RANBP17: variants seen among roughly 807,000 people sequenced by gnomAD.
RANBP17 encodes the protein ran-binding protein 17.
A neutral mutation model predicts 141.2 loss-of-function variants in RANBP17; 158 were observed. The observed-to-expected ratio is 1.12, with a 90% CI of 0.98 to 1.28. RANBP17 has a LOEUF of 1.28. Ranked by LOEUF, RANBP17 falls within the 50% of genes most tolerant of loss-of-function variation. RANBP17 has a pLI of 0.00. For missense variants in RANBP17, 1,438 were observed against 1,290.7 expected (o/e 1.11, Z -1.75); for synonymous variants, 430 against 450.0 (o/e 0.96, Z 0.56).
rs549772441 is a variant in RANBP17, at chr5:171,267,146, T to C, written c.2943+1299T>C. Reference sequence around the variant, plus strand: ...CAAGGTCTCAAGCGATCCTCACACTTCAGCCTCTTCCTGAGTAGCTGGGAC... The same window carrying C: ...CAAGGTCTCAAGCGATCCTCACACTCCAGCCTCTTCCTGAGTAGCTGGGAC... On this transcript the variant is annotated intron_variant, in intron 25 of 27. Coordinates refer to ENST00000523189, the MANE Select transcript of RANBP17 (RefSeq NM_022897.5). 1.3e-3 allele frequency among the ~76,000 whole-genome samples: 194 copies of C among 149,510 alleles called. 1 individual carries two copies. The highest frequency in any genetic ancestry group is 4.6e-3 in the African/African-American group (187 of 40,756).
chr5:170,946,473 A>C lies in RANBP17; in HGVS notation c.1469-7124A>C, dbSNP rs147620596. On this transcript the variant is annotated intron_variant, in intron 12 of 27. Coordinates refer to ENST00000523189, the MANE Select transcript of RANBP17 (RefSeq NM_022897.5). Reference sequence around the variant, plus strand: ...CACAATTGGAGCATAGTCTGTTAATAGCGACCTCTGTAAAATTCTAAGAAA... The same window carrying C: ...CACAATTGGAGCATAGTCTGTTAATCGCGACCTCTGTAAAATTCTAAGAAA... Among the ~76,000 whole-genome samples the C allele has an allele frequency of 9.8e-3, 1,496 of 152,248 alleles. 13 individuals are homozygous for C. Among genetic ancestry groups the C allele is most frequent in the Middle Eastern group, 0.065 (19 of 294 alleles).
chr5:171,275,336 T>G (rs1767419621), intron 25 of RANBP17, among the ~76,000 whole-genome samples: 1 of 152,250 alleles, frequency 6.6e-6, no homozygotes, highest in African/African-American at 2.4e-5. Flanking sequence ...TTATGGGGAT[T>G]GTTTTTATAC....
intron 13 of RANBP17, among the ~76,000 whole-genome samples, chr5:170,958,774 TA>T (rs1775924971): frequency 1.3e-5 from 2 of 152,202 alleles, no homozygotes; most frequent in Non-Finnish European, 2.9e-5. Flanking sequence ...TGATGATTTA[TA>T]ATTATGACTG....
intron 14 of RANBP17, among the ~76,000 whole-genome samples, chr5:171,075,023 C>A (rs750098370): frequency 6.6e-6 from 1 of 152,026 alleles, no homozygotes; most frequent in Non-Finnish European, 1.5e-5. Context: ...TTTATGCCGG[C>A]GGCTGCAAAA....
chr5:170,924,422 C>T lies in RANBP17; in HGVS notation c.1340C>T (p.Thr447Met), dbSNP rs369051193. The T allele has an allele frequency of 6.2e-5, 100 of 1,612,426 alleles. 2 individuals carry two copies. The highest frequency in any genetic ancestry group is 5.7e-4 in the South Asian group (52 of 90,952). ...TTTCAGCAGTTGGAGCAGTTGTGCA[C>T]GGTCAGCAGATGTGAATATGAAAAG... ...TVFQQLEQLC[T>M]VSRCEYEKTC... Residue 447 changes from threonine to methionine, a missense_variant, in exon 12 of 28, where the codon ACG becomes ATG. By Grantham distance (81) the Thr-to-Met change is moderately conservative. Coordinates refer to ENST00000523189, the MANE Select transcript of RANBP17 (RefSeq NM_022897.5).
intron 12 of RANBP17, among the ~76,000 whole-genome samples, chr5:170,942,061 G>T (rs1483712107): frequency 6.6e-6 from 1 of 152,078 alleles, no homozygotes; most frequent in East Asian, 1.9e-4. Flanking sequence ...GATCAGCAGC[G>T]GCATTAGATT....
chr5:170,913,799 T>C (rs1408250693), intron 7 of RANBP17, among the ~76,000 whole-genome samples: 1 of 152,022 alleles, frequency 6.6e-6, no homozygotes, highest in Non-Finnish European at 1.5e-5. Flanking sequence ...TGAAAAGCAG[T>C]TGGAATGGGA....
chr5:170,878,890 A>T (rs539884094), intron 2 of RANBP17, among the ~76,000 whole-genome samples: 1 of 152,160 alleles, frequency 6.6e-6, no homozygotes, highest in Non-Finnish European at 1.5e-5. Context: ...CTGGGCCAGG[A>T]GACAAAATGG....
intron 25 of RANBP17, among the ~76,000 whole-genome samples, chr5:171,286,382 AAG>A (rs1768171715): frequency 1.3e-5 from 2 of 152,190 alleles, no homozygotes; most frequent in African/African-American, 4.8e-5. Flanking sequence ...GTTTTTTTAA[AAG>A]AGAGGTGCAC....
At chr5:171,272,139 C>T (rs1337229636) in intron 25 of RANBP17, among the ~76,000 whole-genome samples, 1 of 152,102 alleles carries the variant, frequency 6.6e-6, no homozygotes, top group Non-Finnish European at 1.5e-5. Context: ...GGGAGCTAAA[C>T]ATTGAGTACA....
chr5:171,171,582 A>AT lies in RANBP17; in HGVS notation c.1865+300dup, dbSNP rs1760104066. ...TGGTTATATAAGAAAGTCCACATGT[A>AT]TTTTAGTTCATGCTTTTTTGTAATT... On this transcript the variant is annotated intron_variant, in intron 16 of 27. Coordinates refer to ENST00000523189, the MANE Select transcript of RANBP17 (RefSeq NM_022897.5). Among the ~76,000 whole-genome samples the AT allele has an allele frequency of 2.0e-5, 3 of 151,972 alleles. No individual in the cohort carries two copies. In the South Asian group the frequency reaches 6.2e-4, roughly 31 times the overall value.
intron 16 of RANBP17, among the ~76,000 whole-genome samples, chr5:171,175,562 A>C (rs1033363684): frequency 6.6e-6 from 1 of 152,182 alleles, no homozygotes; most frequent in East Asian, 1.9e-4. Flanking sequence ...TCCAGAATCT[A>C]CAAGGAACTT....
At chr5:171,135,708 T>C (rs934864417) in intron 14 of RANBP17, among the ~76,000 whole-genome samples, 6 of 152,124 alleles carry the variant, frequency 3.9e-5, no homozygotes, top group African/African-American at 1.4e-4. Flanking sequence ...AAAGAGAAAA[T>C]TCTTTTTCTC....
chr5:170,892,283 T>C, intron 3 of RANBP17, 104 bp from the exon 4 acceptor site: 1 of 878,456 alleles, frequency 1.1e-6, no homozygotes, highest in South Asian at 1.7e-5. Flanking sequence ...TTTGTCCTAA[T>C]GCTCTCCCTC....
intron 14 of RANBP17, among the ~76,000 whole-genome samples, chr5:171,006,928 G>A (rs897919740): frequency 6.6e-6 from 1 of 152,080 alleles, no homozygotes; most frequent in African/African-American, 2.4e-5. Flanking sequence ...CTTCAACTAG[G>A]CAGGAAACCA....
chr5:171,168,281 A>AG (rs1377862477), intron 14 of RANBP17, among the ~76,000 whole-genome samples: 1 of 152,158 alleles, frequency 6.6e-6, no homozygotes, highest in Non-Finnish European at 1.5e-5. Flanking sequence ...AATGAGTATG[A>AG]GGGGAAAAAG....
chr5:171,027,150 A>G (rs182135134), intron 14 of RANBP17, among the ~76,000 whole-genome samples: 99 of 152,346 alleles, frequency 6.5e-4, no homozygotes, highest in Admixed American at 5.8e-3. Context: ...GCTTTAGAAC[A>G]TGCAGTAAAA....
At chr5:170,891,743 T>C (rs1394573294) in intron 3 of RANBP17, among the ~76,000 whole-genome samples, 1 of 152,106 alleles carries the variant, frequency 6.6e-6, no homozygotes, top group African/African-American at 2.4e-5. Context: ...AACATCAAGA[T>C]GGAAATCTGC....
chr5:171,172,906 A>C (rs536452467), intron 16 of RANBP17, among the ~76,000 whole-genome samples: 1 of 151,950 alleles, frequency 6.6e-6, no homozygotes, highest in South Asian at 2.1e-4. Flanking sequence ...ATTGCTTTTG[A>C]GTACTTCTCA....
Sources: allele counts gnomAD v4.1 joint callset (sites outside exome capture counted in the v4.1 genomes callset), GRCh38; gene constraint gnomAD v4.1.1; transcripts MANE v1.5; gene names NCBI Gene and HGNC (gene_info 2026-07-23, HGNC 2026-07-21).